NTRK3: variants seen among roughly 807,000 people sequenced by gnomAD.
NTRK3 encodes the protein neurotrophic receptor tyrosine kinase 3.
A neutral mutation model predicts 91.7 loss-of-function variants in NTRK3; 24 were observed. The observed-to-expected ratio is 0.26, with a 90% CI of 0.19 to 0.37. The LOEUF (loss-of-function observed/expected upper bound fraction) is 0.37. Ranked by LOEUF, NTRK3 falls within the 10% of genes least tolerant of loss-of-function variation. The probability of loss-of-function intolerance (pLI) is 1.00; values close to 1 mark genes in which losing one functional copy is unlikely to be tolerated. For synonymous variants in NTRK3, 483 were observed against 404.0 expected, an observed-to-expected ratio of 1.20 and a Z score of -2.34; for missense variants, 880 against 1,068.9, an observed-to-expected ratio of 0.82 and a Z score of 2.46.
intron 17 of NTRK3, among the ~76,000 whole-genome samples, chr15:87,891,457 A>T (rs968125206): frequency 2.6e-5 from 4 of 152,242 alleles, no homozygotes; most frequent in Admixed American, 1.3e-4. Context: ...AACAAGGTAC[A>T]TTCAAGCAAA....
intron 13 of NTRK3, among the ~76,000 whole-genome samples, chr15:88,071,734 G>A (rs1024036085): frequency 6.6e-6 from 1 of 152,168 alleles, no homozygotes; most frequent in East Asian, 1.9e-4. Flanking sequence ...TGCTCCTTAT[G>A]GGAGAATACT....
chr15:88,094,475 CAAAAAA>C (rs10610101), intron 13 of NTRK3, among the ~76,000 whole-genome samples: 34 of 30,326 alleles, frequency 1.1e-3, no homozygotes, highest in African/African-American at 2.9e-3. Context: ...GACTCCGTCT[CAAAAAA>C]AAAAAAAAAA....
rs138704099 is a variant in NTRK3 at position 87,962,234 on chromosome 15, G to C, written c.1586-21481C>G. Among the ~76,000 whole-genome samples, 7 of 152,242 alleles carry C rather than the reference G, an allele frequency of 4.6e-5. No individual in the cohort carries two copies. In the East Asian group the frequency reaches 1.4e-3, roughly 29 times the overall value. On this transcript the variant is annotated intron_variant, in intron 14 of 18. Transcript: ENST00000394480. Reference sequence around the variant, plus strand: ...TTGTCTTGCCCGTGCATATGTTTGGGCTCTTTCTGCATCATCTGCTCTGCT... The same window carrying C: ...TTGTCTTGCCCGTGCATATGTTTGGCCTCTTTCTGCATCATCTGCTCTGCT...
intron 14 of NTRK3, among the ~76,000 whole-genome samples, chr15:87,996,364 C>A (rs2075703777): frequency 6.6e-6 from 1 of 152,080 alleles, no homozygotes; most frequent in Non-Finnish European, 1.5e-5. Context: ...GGTGACAGTA[C>A]CATCCTGGAC....
chr15:88,054,437 G>T (rs374721829), intron 13 of NTRK3, among the ~76,000 whole-genome samples: 7 of 152,258 alleles, frequency 4.6e-5, no homozygotes, highest in South Asian at 4.2e-4. Flanking sequence ...CCTGCAGCTG[G>T]TTATAAGCTC....
rs369549532 is a variant in NTRK3, at chr15:87,876,759, G to GTT, written c.*174_*175dup. On this transcript the variant is annotated 3_prime_UTR_variant, in exon 19 of 19. Coordinates refer to ENST00000394480, the Ensembl canonical transcript of NTRK3. Reference sequence around the variant, plus strand: ...TATATTTGCCAAACTGCCTTACAGGGTTTTTTTTTCTTTCTTTTTTTTTCC... The same window carrying GTT: ...TATATTTGCCAAACTGCCTTACAGGGTTTTTTTTTTTCTTTCTTTTTTTTTCC... 1.8e-3 allele frequency: 988 copies of GTT among 556,984 alleles called. 10 individuals are homozygous for GTT. In the East Asian group the frequency reaches 0.027, roughly 15 times the overall value. 34.5% of individuals were successfully genotyped at this position (556,984 alleles called of 1,614,324 possible). A position where few individuals can be genotyped will look rare whatever the true frequency, so the allele number is the denominator to read the frequency against.
At chr15:87,952,585 G>A (rs887853516) in intron 14 of NTRK3, among the ~76,000 whole-genome samples, 1 of 152,184 alleles carries the variant, frequency 6.6e-6, no homozygotes, top group African/African-American at 2.4e-5. Flanking sequence ...GGAGCCCTTG[G>A]TGACACAAAG....
At chr15:87,965,192 T>A (rs1010321962) in intron 14 of NTRK3, among the ~76,000 whole-genome samples, 3 of 152,228 alleles carry the variant, frequency 2.0e-5, no homozygotes, top group Non-Finnish European at 2.9e-5. Context: ...TGTCTCTGGG[T>A]GATGGGATGG....
chr15:88,045,903 T>C (rs1055538770), intron 13 of NTRK3, among the ~76,000 whole-genome samples: 1 of 152,260 alleles, frequency 6.6e-6, no homozygotes, highest in African/African-American at 2.4e-5. Context: ...GGGCGCACTC[T>C]ATTCCTGTAT....
At chr15:87,912,021 G>A (rs2141747655) in intron 17 of NTRK3, among the ~76,000 whole-genome samples, 1 of 152,294 alleles carries the variant, frequency 6.6e-6, no homozygotes, top group Non-Finnish European at 1.5e-5. Flanking sequence ...TCAACTCTGA[G>A]CACCACCTCC....
Position 87,898,624 on chromosome 15 carries a change from A to G in NTRK3, c.2134-18196T>C, listed in dbSNP as rs556242681. On this transcript the variant is annotated intron_variant, in intron 17 of 18. Transcript: ENST00000394480. ...GGCTCACTGAGTCATCCTTTAAGCG[A>G]CATTAATAATATCTCTTATTGATTG... Among the ~76,000 whole-genome samples the G allele has an allele frequency of 2.2e-4, 34 of 152,258 alleles. No homozygotes were observed. In the South Asian group the frequency reaches 6.4e-3, roughly 29 times the overall value.
chr15:88,182,214 G>A lies in NTRK3; in HGVS notation c.395+1204C>T, dbSNP rs112407554. Among the ~76,000 whole-genome samples the A allele has an allele frequency of 3.7e-3, 567 of 152,268 alleles. 2 individuals carry two copies. Among genetic ancestry groups the A allele is most frequent in the African/African-American group, 0.013 (536 of 41,540 alleles). On this transcript the variant is annotated intron_variant, in intron 5 of 18. Transcript: ENST00000394480. The stretch of plus-strand genomic sequence containing the variant: ...AAAAGAAAGCTCCGCAGAAAGCAGA[G>A]GTGGCCATACTGATAAACAAATATT...
intron 13 of NTRK3, among the ~76,000 whole-genome samples, chr15:88,035,303 C>G (rs1417168146): frequency 6.6e-6 from 1 of 152,146 alleles, no homozygotes; most frequent in Non-Finnish European, 1.5e-5. Flanking sequence ...CCACTATCAC[C>G]TTGCTCCCTT....
chr15:87,883,518 A>C (rs1215709742), intron 17 of NTRK3, among the ~76,000 whole-genome samples: 2 of 151,226 alleles, frequency 1.3e-5, no homozygotes, highest in Admixed American at 1.3e-4. Context: ...AGAAGACAAC[A>C]TAAATGAAGA....
chr15:88,249,953 C>T (rs916013930), intron 3 of NTRK3, among the ~76,000 whole-genome samples: 1 of 152,154 alleles, frequency 6.6e-6, no homozygotes, highest in South Asian at 2.1e-4. Context: ...GGGTCATTCC[C>T]GCAATGCTGC....
At chr15:88,028,112 G>A (rs1260579323) in intron 14 of NTRK3, among the ~76,000 whole-genome samples, 1 of 147,980 alleles carries the variant, frequency 6.8e-6, no homozygotes, top group Non-Finnish European at 1.5e-5. Context: ...TGGAAAGAAG[G>A]AATAAAGGCT....
At chr15:87,911,554 C>T (rs145399226) in intron 17 of NTRK3, among the ~76,000 whole-genome samples, 2 of 152,192 alleles carry the variant, frequency 1.3e-5, no homozygotes, top group African/African-American at 4.8e-5. Flanking sequence ...CAGCACTGTG[C>T]TTCACCACCC....
chr15:87,941,911 TA>T (rs2069904694), intron 14 of NTRK3, among the ~76,000 whole-genome samples: 2 of 152,364 alleles, frequency 1.3e-5, no homozygotes, highest in African/African-American at 4.8e-5. Context: ...GCCCATTAAA[TA>T]CCTGTATTCA....
intron 13 of NTRK3, among the ~76,000 whole-genome samples, chr15:88,043,776 AAG>A (rs2079878104): frequency 6.6e-6 from 1 of 152,154 alleles, no homozygotes; most frequent in African/African-American, 2.4e-5. Context: ...TTAGAAGAGA[AAG>A]AGAGAGAGAA....
Sources: gnomAD v4.1 joint callset for allele counts (sites outside exome capture counted in the v4.1 genomes callset) on GRCh38, gnomAD v4.1.1 for gene constraint, MANE v1.5 for transcripts, NCBI Gene and HGNC (gene_info 2026-07-23, HGNC 2026-07-21) for gene names.